The following NRXN1 variants were observed in gnomAD, a reference collection of about 807,000 sequenced individuals.
NRXN1 encodes the protein neurexin-1.
A neutral mutation model predicts 150.9 loss-of-function variants in NRXN1; 39 were observed. That is an observed-to-expected ratio of 0.26 (90% confidence interval 0.20 to 0.34). The LOEUF (loss-of-function observed/expected upper bound fraction) is 0.34, where lower values mean the gene tolerates loss of function less well. Ranked by LOEUF, NRXN1 falls within the 10% of genes least tolerant of loss-of-function variation. NRXN1 has a pLI of 1.00. For missense variants in NRXN1, 1,815 were observed against 1,949.9 expected (o/e 0.93, Z 1.30); for synonymous variants, 924 against 757.0 (o/e 1.22, Z -3.62).
chr2:50,834,875 G>C (rs1277084574), intron 5 of NRXN1, among the ~76,000 whole-genome samples: 2 of 152,146 alleles, frequency 1.3e-5, no homozygotes, highest in African/African-American at 4.8e-5. Context: ...CACTGGACCA[G>C]AGAGACAGTC....
chr2:49,944,823 G>A (rs1187423430), intron 21 of NRXN1, among the ~76,000 whole-genome samples: 3 of 150,678 alleles, frequency 2.0e-5, no homozygotes, highest in Non-Finnish European at 4.4e-5. Flanking sequence ...TTGCAACATT[G>A]ATACAGTTCT....
chr2:50,905,713 T>C (rs1190505068), intron 5 of NRXN1, among the ~76,000 whole-genome samples: 1 of 152,134 alleles, frequency 6.6e-6, no homozygotes, highest in Non-Finnish European at 1.5e-5. Context: ...CCAGTAAGAA[T>C]TCATCTCTTG....
At chr2:50,137,277 C>T (rs1706565030) in intron 18 of NRXN1, among the ~76,000 whole-genome samples, 1 of 152,006 alleles carries the variant, frequency 6.6e-6, no homozygotes, top group Non-Finnish European at 1.5e-5. Flanking sequence ...ATATACAAAC[C>T]AGTGATGCAA....
chr2:50,473,635 T>A (rs886741396), intron 15 of NRXN1, among the ~76,000 whole-genome samples: 2 of 152,016 alleles, frequency 1.3e-5, no homozygotes, highest in African/African-American at 4.8e-5. Flanking sequence ...CAACTTGATG[T>A]CACTTGGCAC....
intron 17 of NRXN1, among the ~76,000 whole-genome samples, chr2:50,458,586 T>C (rs1400381957): frequency 1.3e-5 from 2 of 151,898 alleles, no homozygotes; most frequent in Non-Finnish European, 2.9e-5. Flanking sequence ...TTCATAATTT[T>C]TTTTTTTTTT....
rs1176990507 is a variant in NRXN1, at chr2:50,346,100, G to A, written c.3365-109130C>T. ...AGGGGATGACTCGGTTGCCCTCCTAGCTTTTCTAATTAAGGGAAGGCGTGG... is the reference window on the plus strand; with the variant it reads ...AGGGGATGACTCGGTTGCCCTCCTAACTTTTCTAATTAAGGGAAGGCGTGG... On this transcript the variant is annotated intron_variant, in intron 17 of 22. Coordinates refer to ENST00000401669, the MANE Select transcript of NRXN1 (RefSeq NM_001330078.2). This position sits in a 1 kb window ranked among gnomAD's most constrained non-coding sequence, Gnocchi z 5.0. Among the ~76,000 whole-genome samples the A allele has an allele frequency of 1.3e-5, 2 of 152,184 alleles. No homozygotes were observed. Among genetic ancestry groups the A allele is most frequent in the African/African-American group, 4.8e-5 (2 of 41,464 alleles).
intron 13 of NRXN1, among the ~76,000 whole-genome samples, chr2:50,501,995 G>A (rs937711571): frequency 6.6e-6 from 1 of 152,194 alleles, no homozygotes; most frequent in Non-Finnish European, 1.5e-5. Flanking sequence ...CTGACTTGCT[G>A]TAAAATTTAA....
intron 18 of NRXN1, among the ~76,000 whole-genome samples, chr2:50,213,084 C>A (rs1285811643): frequency 6.6e-6 from 1 of 151,810 alleles, no homozygotes; most frequent in Non-Finnish European, 1.5e-5. Context: ...CAGACAGGAG[C>A]TGGTTGTTGT....
chr2:50,526,297 T>C (rs529735280), intron 12 of NRXN1, among the ~76,000 whole-genome samples: 19 of 152,316 alleles, frequency 1.2e-4, no homozygotes, highest in Admixed American at 1.2e-3. Context: ...TTAAAAGATA[T>C]CAATTGAGGT....
chr2:50,426,469 G>A (rs564518104), intron 17 of NRXN1, among the ~76,000 whole-genome samples: 19 of 152,096 alleles, frequency 1.2e-4, no homozygotes, highest in South Asian at 4.1e-4. Flanking sequence ...AATAGCATGC[G>A]TACTGCACAA....
chr2:50,197,434 C>A (rs960953009), intron 18 of NRXN1, among the ~76,000 whole-genome samples: 2 of 152,052 alleles, frequency 1.3e-5, no homozygotes, highest in East Asian at 3.9e-4. Flanking sequence ...ACTTTCTGCT[C>A]GAAATGTTGA....
intron 17 of NRXN1, among the ~76,000 whole-genome samples, chr2:50,340,092 C>T (rs2077450734): frequency 6.6e-6 from 1 of 152,140 alleles, no homozygotes. Context: ...ACATAATCAT[C>T]ACCTCTTTAA....
intron 18 of NRXN1, among the ~76,000 whole-genome samples, chr2:50,107,543 T>A (rs369907802): frequency 0.19 from 18,973 of 102,474 alleles, 1,521 homozygotes; most frequent in Middle Eastern, 0.29. Flanking sequence ...ATATATATTT[T>A]TTTTTTTTAC....
rs1407387404 is a variant in NRXN1 at position 49,943,693 on chromosome 2, A to G, written c.4216+11T>C. ...GTAAAGCCAAGGAAGTAAGAAAAAA[A>G]GTTGACTAACCTAACCCACCTGAGC... is the stretch of plus-strand genomic sequence containing the variant. On this transcript the variant is annotated intron_variant, in intron 22 of 22. Coordinates refer to ENST00000401669, the MANE Select transcript of NRXN1 (RefSeq NM_001330078.2). The G allele has an allele frequency of 1.3e-6, 2 of 1,598,382 alleles. No homozygotes were observed. The highest frequency in any genetic ancestry group is 1.1e-5 in the South Asian group (1 of 89,898).
chr2:50,635,589 A>G, intron 5 of NRXN1, among the ~76,000 whole-genome samples: 1 of 152,214 alleles, frequency 6.6e-6, no homozygotes, highest in East Asian at 1.9e-4. Flanking sequence ...TTGGGAATGC[A>G]GAACACCAGC....
intron 9 of NRXN1, among the ~76,000 whole-genome samples, chr2:50,543,927 G>A (rs1215320172): frequency 1.3e-5 from 2 of 152,058 alleles, no homozygotes; most frequent in East Asian, 1.9e-4. Context: ...GAGAAAATCC[G>A]ATGTTCCAGC....
intron 17 of NRXN1, among the ~76,000 whole-genome samples, chr2:50,249,262 A>T (rs1481035118): frequency 6.6e-6 from 1 of 152,078 alleles, no homozygotes; most frequent in Non-Finnish European, 1.5e-5. Flanking sequence ...CTTCTAATAA[A>T]ACAAGACAAA....
chr2:50,988,191 C>G (rs563911761), intron 2 of NRXN1, among the ~76,000 whole-genome samples: 1 of 151,894 alleles, frequency 6.6e-6, no homozygotes, highest in Non-Finnish European at 1.5e-5. Flanking sequence ...GTCTTGTCGG[C>G]GCTCCTTAGA....
At chr2:50,094,914 C>T (rs974181312) in intron 18 of NRXN1, among the ~76,000 whole-genome samples, 1 of 152,040 alleles carries the variant, frequency 6.6e-6, no homozygotes, top group Non-Finnish European at 1.5e-5. Context: ...CTGTAAAGAA[C>T]CAAATGCTTC....
Sources: allele counts gnomAD v4.1 joint callset (sites outside exome capture counted in the v4.1 genomes callset), GRCh38; gene constraint gnomAD v4.1.1; non-coding constraint Gnocchi (gnomAD v3.1); transcripts MANE v1.5; gene names NCBI Gene and HGNC (gene_info 2026-07-23, HGNC 2026-07-21).